Variants in TMPRSS13 observed in about 807,000 individuals in gnomAD.
TMPRSS13 encodes the protein transmembrane serine protease 13.
A neutral mutation model predicts 68.4 loss-of-function variants in TMPRSS13; 50 were observed. That is an observed-to-expected ratio of 0.73 (90% CI 0.58 to 0.93). The LOEUF is 0.93. Among genes scored for constraint, TMPRSS13 ranks in the 40% least tolerant of loss-of-function variants. TMPRSS13 has a pLI of 0.00. For missense variants in TMPRSS13, 615 were observed against 729.2 expected (o/e 0.84, Z 1.80); for synonymous variants, 267 against 285.8 (o/e 0.93, Z 0.66).
At chr11:117,917,790 T>C (rs1008576425) in intron 2 of TMPRSS13, among the ~76,000 whole-genome samples, 10 of 151,956 alleles carry the variant, frequency 6.6e-5, no homozygotes, top group African/African-American at 2.2e-4. Flanking sequence ...TCCAGGCCTG[T>C]GTGTATTGTG....
rs2057564598 is a variant in TMPRSS13, at chr11:117,915,187, T to G, written c.557-673A>C. Among the ~76,000 whole-genome samples, 1 of 152,202 alleles carries G rather than the reference T, an allele frequency of 6.6e-6. No individual in the cohort carries two copies. Among genetic ancestry groups the G allele is most frequent in the South Asian group, 2.1e-4 (1 of 4,828 alleles). Reference sequence around the variant, plus strand: ...TAAAAGAAAACAGCTTTACAAGCCATATGTGCAAATCTGCTTCACGACTTC... The same window carrying G: ...TAAAAGAAAACAGCTTTACAAGCCAGATGTGCAAATCTGCTTCACGACTTC... On this transcript the variant is annotated intron_variant, in intron 3 of 12. Transcript: ENST00000524993. The surrounding 1 kb of genome is among the most constrained non-coding windows in gnomAD (Gnocchi z 4.9).
At position 117,920,917 on chromosome 11, in the gene TMPRSS13, T is replaced by C. The variant is rs78534587; in HGVS notation, c.22-2079A>G. On this transcript the variant is annotated intron_variant, in intron 1 of 12. Transcript: ENST00000524993. Reference sequence around the variant, plus strand: ...AGCGACATAACCCTTCAGTGCCTGATTCCACATGTGTAAAATGGGCAGACC... The same window carrying C: ...AGCGACATAACCCTTCAGTGCCTGACTCCACATGTGTAAAATGGGCAGACC... Among the ~76,000 whole-genome samples, 277 of 152,352 alleles carry C rather than the reference T, an allele frequency of 1.8e-3. 2 individuals are homozygous for C. Among genetic ancestry groups the C allele is most frequent in the East Asian group, 0.015 (80 of 5,192 alleles).
At chr11:117,902,956 C>G (rs1043988303) in intron 12 of TMPRSS13, 21 of 1,012,214 alleles carry the variant, frequency 2.1e-5, no homozygotes, top group Non-Finnish European at 4.7e-6. Flanking sequence ...AGGTAAGGCA[C>G]ACACTGAAGG....
chr11:117,919,674 G>T (rs2057623510), intron 1 of TMPRSS13, among the ~76,000 whole-genome samples: 2 of 152,274 alleles, frequency 1.3e-5, no homozygotes, highest in African/African-American at 2.4e-5. Flanking sequence ...GCACTTTAGA[G>T]TTGATAATAA....
intron 9 of TMPRSS13, among the ~76,000 whole-genome samples, chr11:117,907,233 G>A (rs1319321760): frequency 6.6e-6 from 1 of 152,102 alleles, no homozygotes; most frequent in Non-Finnish European, 1.5e-5. Context: ...GTGCTGAGCG[G>A]CAGGGCAGGA....
intron 1 of TMPRSS13, among the ~76,000 whole-genome samples, chr11:117,925,883 C>T (rs758995230): frequency 2.0e-5 from 3 of 152,282 alleles, no homozygotes; most frequent in Non-Finnish European, 4.4e-5. Flanking sequence ...CTTACGCTCA[C>T]ATCTGCCAAG....
intron 8 of TMPRSS13, among the ~76,000 whole-genome samples, chr11:117,909,118 G>A (rs1338042085): frequency 6.6e-6 from 1 of 152,104 alleles, no homozygotes; most frequent in African/African-American, 2.4e-5. Flanking sequence ...TGAAACTCTG[G>A]GGCCTCGATA....
rs1246622799 is a variant in TMPRSS13, at chr11:117,922,685, C to A, written c.22-3847G>T. Among the ~76,000 whole-genome samples, 1 of 152,230 alleles carries A rather than the reference C, an allele frequency of 6.6e-6. No homozygotes were observed. The highest frequency in any genetic ancestry group is 1.5e-5 in the Non-Finnish European group (1 of 68,030). ...TCCTGGTGTCTCCACAACCTGCCTG[C>A]AGACCAAAGGCTTCTCAGCCTGCTC... On this transcript the variant is annotated intron_variant, in intron 1 of 12. Transcript: ENST00000524993. This position sits in a 1 kb window ranked among gnomAD's most constrained non-coding sequence, Gnocchi z 4.2.
chr11:117,903,513 C>A, intron 12 of TMPRSS13, 142 bp downstream of exon 12: 1 of 1,549,992 alleles, frequency 6.5e-7, no homozygotes, highest in Non-Finnish European at 8.7e-7. Context: ...CCCCAGGCAT[C>A]ACATTTGACC....
chr11:117,918,433 T>A lies in TMPRSS13; in HGVS notation c.427A>T (p.Thr143Ser), dbSNP rs1053672559. ...CCTGGGCTCTCCCTGGTGGCCCTGGTTGCTGGTGCTGACCTGGCAGGAGAT... is the reference window on the plus strand; with the variant it reads ...CCTGGGCTCTCCCTGGTGGCCCTGGATGCTGGTGCTGACCTGGCAGGAGAT... ...RSSPARSAPATRATRESPGTS... is the reference protein window; with the variant it reads ...RSSPARSAPASRATRESPGTS... Residue 143 changes from threonine (T) to serine (S), a missense_variant, in exon 2 of 13, where the codon ACC (threonine) becomes TCC (serine). Thr to Ser is a moderately conservative substitution (Grantham distance 58, BLOSUM62 1). Transcript: ENST00000524993. 1.2e-6 allele frequency: 2 copies of A among 1,613,606 alleles called. No homozygotes were observed. Among genetic ancestry groups the A allele is most frequent in the Non-Finnish European group, 1.7e-6 (2 of 1,179,626 alleles).
chr11:117,920,285 T>TAC (rs1329903599), intron 1 of TMPRSS13, among the ~76,000 whole-genome samples: 50 of 152,276 alleles, frequency 3.3e-4, no homozygotes, highest in Non-Finnish European at 1.8e-4. Flanking sequence ...AAACGCCCAA[T>TAC]ACACAGTGAG....
intron 5 of TMPRSS13, among the ~76,000 whole-genome samples, chr11:117,912,559 G>T (rs2057534498): frequency 6.6e-6 from 1 of 152,204 alleles, no homozygotes; most frequent in South Asian, 2.1e-4. Flanking sequence ...TGGAACATAT[G>T]TATATTTCTA....
intron 9 of TMPRSS13, chr11:117,908,182 C>A: frequency 1.6e-6 from 1 of 615,394 alleles, no homozygotes; most frequent in Non-Finnish European, 2.3e-6. Context: ...AATTATCTCT[C>A]TGTAAAGCTC....
intron 5 of TMPRSS13, 97 bp from the exon 6 acceptor site, chr11:117,911,957 G>T (rs1565348423): frequency 1.0e-6 from 1 of 956,836 alleles, no homozygotes; most frequent in Non-Finnish European, 1.6e-6. Flanking sequence ...TGCCGACAGA[G>T]GCCAGACTGT....
chr11:117,918,239 T>C lies in TMPRSS13; in HGVS notation c.451+170A>G, dbSNP rs1039035189. Among the ~76,000 whole-genome samples the C allele has an allele frequency of 2.0e-5, 3 of 152,170 alleles. No homozygotes were observed. The East Asian group carries it at 5.8e-4, about 29-fold the overall frequency. On this transcript the variant is annotated intron_variant, in intron 2 of 12. Coordinates refer to ENST00000524993, the MANE Select transcript of TMPRSS13 (RefSeq NM_001077263.3). ...TTTTCCACTGTCTCAGGTTTTCATG[T>C]AATGTTTCCTTTTTGCCTCCACCCT... is the stretch of plus-strand genomic sequence containing the variant.
At chr11:117,927,950 C>T (rs938777311) in intron 1 of TMPRSS13, among the ~76,000 whole-genome samples, 4 of 152,202 alleles carry the variant, frequency 2.6e-5, no homozygotes, top group Admixed American at 2.0e-4. Flanking sequence ...ATCCCTCCAG[C>T]AGCCTTCATG....
At chr11:117,917,382 C>G in intron 2 of TMPRSS13, 108 bp from the exon 3 acceptor site, 1 of 731,966 alleles carries the variant, frequency 1.4e-6, no homozygotes, top group Non-Finnish European at 2.3e-6. Flanking sequence ...GTGAGGACCA[C>G]TCCACCCCAG....
At chr11:117,920,569 T>G (rs2057634304) in intron 1 of TMPRSS13, among the ~76,000 whole-genome samples, 1 of 152,164 alleles carries the variant, frequency 6.6e-6, no homozygotes, top group African/African-American at 2.4e-5. Context: ...CTTGGCTCAC[T>G]GCGACCTCTG....
Position 117,902,213 on chromosome 11 carries a change from G to T in TMPRSS13, c.*26C>A. 1 of 1,612,622 alleles carries T rather than the reference G, an allele frequency of 6.2e-7. No individual in the cohort carries two copies. The highest frequency in any genetic ancestry group is 8.5e-7 in the Non-Finnish European group (1 of 1,179,268). On this transcript the variant is annotated 3_prime_UTR_variant, in exon 13 of 13. Coordinates refer to ENST00000524993, the MANE Select transcript of TMPRSS13 (RefSeq NM_001077263.3). Reference sequence around the variant, plus strand: ...GGCCAGAGTCTTCACAGCAGCCGGTGCTGTGCAGAGCAGCAGGCCAGCTGG... The same window carrying T: ...GGCCAGAGTCTTCACAGCAGCCGGTTCTGTGCAGAGCAGCAGGCCAGCTGG...
Sources: gnomAD v4.1 joint callset for allele counts (sites outside exome capture counted in the v4.1 genomes callset) on GRCh38, gnomAD v4.1.1 for gene constraint, Gnocchi (gnomAD v3.1) non-coding constraint, MANE v1.5 for transcripts, NCBI Gene and HGNC (gene_info 2026-07-23, HGNC 2026-07-21) for gene names.